Variants in DNAH3 observed in about 807,000 individuals in gnomAD.
The protein encoded by DNAH3 is dynein axonemal heavy chain 3, also known as axonemal beta dynein heavy chain 3.
Under a neutral mutation model 432.5 loss-of-function variants are expected in DNAH3, and 332 were observed. The observed-to-expected ratio is 0.77, with a 90% CI of 0.70 to 0.84. DNAH3 has a LOEUF of 0.84. DNAH3 is among the 40% of genes least tolerant of loss of function. The pLI is 0.00. For synonymous variants in DNAH3, 1,956 were observed against 1,900.2 expected (o/e 1.03, Z -0.76); for missense variants, 4,861 against 5,114.0 (o/e 0.95, Z 1.51).
At position 20,984,608 on chromosome 16, in the gene DNAH3, G is replaced by A. The variant is rs564538142; in HGVS notation, c.7665+469C>T. On this transcript the variant is annotated intron_variant, in intron 48 of 61. Coordinates refer to ENST00000261383, the Ensembl canonical transcript of DNAH3. ...TTCAGGGTCCGGCACGGTGGCTTAT[G>A]CCTGTAATCCCAGCACTTCGGGAGG... 1.4e-3 allele frequency among the ~76,000 whole-genome samples: 215 copies of A among 152,282 alleles called. 1 individual carries two copies. The highest frequency in any genetic ancestry group is 2.8e-3 in the Non-Finnish European group (192 of 68,008).
At chr16:21,121,054 G>C in intron 10 of DNAH3, 1 of 683,024 alleles carries the variant, frequency 1.5e-6, no homozygotes, top group Non-Finnish European at 2.7e-6. Context: ...TGAACTCCTG[G>C]GCATTCGTTT....
chr16:20,941,090 A>T (rs2083789467), intron 59 of DNAH3, among the ~76,000 whole-genome samples: 1 of 152,146 alleles, frequency 6.6e-6, no homozygotes, highest in Non-Finnish European at 1.5e-5. Context: ...ACAGAGAGAG[A>T]CCTCAACTCA....
intron 56 of DNAH3, among the ~76,000 whole-genome samples, chr16:20,949,241 G>T (rs921252157): frequency 1.3e-4 from 19 of 142,694 alleles, no homozygotes; most frequent in Admixed American, 2.1e-4. Flanking sequence ...ACCTTCCTCT[G>T]GGTGACAGAG....
chr16:20,978,191 C>T (rs755479311), intron 50 of DNAH3, among the ~76,000 whole-genome samples: 18 of 152,176 alleles, frequency 1.2e-4, no homozygotes, highest in Non-Finnish European at 2.5e-4. Flanking sequence ...CATAACAGCC[C>T]TATGCAGTGA....
At chr16:21,049,439 G>C in intron 31 of DNAH3, 130 bp downstream of exon 31, 1 of 664,672 alleles carries the variant, frequency 1.5e-6, no homozygotes, top group Non-Finnish European at 2.6e-6. Context: ...AGTTCACTGA[G>C]TACCTGCTTT....
In DNAH3 at chr16:20,986,181, T is replaced by C. The variant is rs73534341; in HGVS notation, c.7027-466A>G. On this transcript the variant is annotated intron_variant, in intron 47 of 61. Transcript: ENST00000261383. ...CAGTCTTTTTGTTTTTTAAACATAA[T>C]ATGTGGATTTCATGCTTGTAAAGAC... 1.7e-3 allele frequency among the ~76,000 whole-genome samples: 259 copies of C among 151,388 alleles called. 1 individual carries two copies. Among genetic ancestry groups the C allele is most frequent in the African/African-American group, 5.6e-3 (232 of 41,344 alleles).
exon 39 of DNAH3, chr16:21,024,666 C>A: frequency 6.2e-7 from 1 of 1,613,764 alleles, no homozygotes; most frequent in Non-Finnish European, 8.5e-7. Flanking sequence ...GGGCTTCCAG[C>A]CTAGTTGATG....
At chr16:20,961,759 T>A (rs1362220870) in intron 53 of DNAH3, among the ~76,000 whole-genome samples, 49 of 130,960 alleles carry the variant, frequency 3.7e-4, no homozygotes, top group African/African-American at 1.4e-3. Context: ...AATTTCTGGT[T>A]TTTTTTTTTT....
intron 16 of DNAH3, among the ~76,000 whole-genome samples, chr16:21,100,261 G>A (rs1354573917): frequency 6.6e-6 from 1 of 152,134 alleles, no homozygotes; most frequent in African/African-American, 2.4e-5. Context: ...TCATAGAGAT[G>A]TGGTTTCACC....
At chr16:21,054,621 G>T in intron 27 of DNAH3, 87 bp from the exon 28 acceptor site, 1 of 1,015,444 alleles carries the variant, frequency 9.8e-7, no homozygotes, top group Non-Finnish European at 1.5e-6. Context: ...ATGGACCACC[G>T]GATGGCTCAA....
chr16:21,012,677 C>T (rs931302938), intron 41 of DNAH3, among the ~76,000 whole-genome samples: 3 of 152,166 alleles, frequency 2.0e-5, no homozygotes, highest in African/African-American at 7.2e-5. Flanking sequence ...TTACTTTATT[C>T]AACAATAGAA....
In DNAH3 at chr16:21,153,780, G is replaced by A. The variant is rs78017772; in HGVS notation, c.117+5545C>T. ...TGTAACACTCACCGCGAGGGCCCACGGCTTCATTCTTGAAGTCAGTGAGAC... is the reference window on the plus strand; with the variant it reads ...TGTAACACTCACCGCGAGGGCCCACAGCTTCATTCTTGAAGTCAGTGAGAC... On this transcript the variant is annotated intron_variant, in intron 1 of 61. Transcript: ENST00000261383. Among the ~76,000 whole-genome samples, 4 of 152,164 alleles carry A rather than the reference G, an allele frequency of 2.6e-5. No homozygotes were observed. In the East Asian group the frequency reaches 7.7e-4, roughly 29 times the overall value.
At chr16:20,935,851 A>G (rs1379568786) in intron 60 of DNAH3, among the ~76,000 whole-genome samples, 1 of 151,794 alleles carries the variant, frequency 6.6e-6, no homozygotes, top group African/African-American at 2.4e-5. Context: ...CTCAAAAAAA[A>G]AAAAAAAAGC....
At chr16:20,998,946 T>C (rs2086891735) in intron 43 of DNAH3, among the ~76,000 whole-genome samples, 1 of 152,122 alleles carries the variant, frequency 6.6e-6, no homozygotes, top group Non-Finnish European at 1.5e-5. Context: ...TAACTCACAA[T>C]ATACCTAGGG....
intron 59 of DNAH3, among the ~76,000 whole-genome samples, chr16:20,939,163 AGAG>A (rs1012626635): frequency 1.3e-5 from 2 of 151,906 alleles, no homozygotes; most frequent in African/African-American, 2.4e-5. Context: ...GAATGACAGC[AGAG>A]GAGGGAAGCC....
chr16:21,081,828 A>G, intron 19 of DNAH3, 101 bp from the exon 20 acceptor site: 1 of 856,380 alleles, frequency 1.2e-6, no homozygotes. Context: ...TGCACTGCTC[A>G]GCATAACAGC....
chr16:21,136,434 GA>G lies in DNAH3; in HGVS notation c.775del (p.Ser259GlnfsTer3). ...CAGCAGCGTGTTAGAAATCAGCTTT[GA>G]AATCCGAACCATCACTTCACCCTCC... is the stretch of plus-strand genomic sequence containing the variant. On this transcript the variant is annotated frameshift_variant, in exon 6 of 62. Coordinates refer to ENST00000261383, the Ensembl canonical transcript of DNAH3. LOFTEE classifies it high-confidence loss of function. The G allele has an allele frequency of 1.2e-6, 2 of 1,614,102 alleles. No individual in the cohort carries two copies. The highest frequency in any genetic ancestry group is 1.7e-6 in the Non-Finnish European group (2 of 1,180,026).
intron 41 of DNAH3, among the ~76,000 whole-genome samples, chr16:21,017,693 T>C (rs1392855269): frequency 6.6e-6 from 1 of 152,194 alleles, no homozygotes; most frequent in Non-Finnish European, 1.5e-5. Context: ...ATAAACTTTC[T>C]AAATTAACTG....
At chr16:21,000,044 G>A (rs780201383) in intron 43 of DNAH3, among the ~76,000 whole-genome samples, 180 bp downstream of exon 43, 3 of 151,534 alleles carry the variant, frequency 2.0e-5, no homozygotes, top group Non-Finnish European at 2.9e-5. Context: ...GAGGGAGGGA[G>A]GGAAGGAGGA....
Sources: allele counts gnomAD v4.1 joint callset (sites outside exome capture counted in the v4.1 genomes callset), GRCh38; gene constraint gnomAD v4.1.1; transcripts MANE v1.5; gene names NCBI Gene and HGNC (gene_info 2026-07-23, HGNC 2026-07-21).